The following HS3ST5 variants were observed in gnomAD, a reference collection of about 807,000 sequenced individuals.
HS3ST5 encodes heparan sulfate glucosamine 3-O-sulfotransferase 5.
A neutral mutation model predicts 25.4 loss-of-function variants in HS3ST5; 10 were observed. The ratio of observed to expected loss-of-function variants is 0.39; its 90% CI spans 0.24 to 0.67. HS3ST5 has a LOEUF of 0.67. Among genes scored for constraint, HS3ST5 ranks in the 30% least tolerant of loss-of-function variants. The pLI, the probability that HS3ST5 is intolerant of heterozygous loss-of-function variation, is 0.44. For missense variants in HS3ST5, 324 were observed against 420.7 expected (o/e 0.77, Z 2.01); for synonymous variants, 170 against 162.4 (o/e 1.05, Z -0.36).
intron 1 of HS3ST5, among the ~76,000 whole-genome samples, chr6:114,301,398 T>C (rs554305799): frequency 3.7e-4 from 56 of 152,310 alleles, no homozygotes; most frequent in African/African-American, 8.9e-4. Flanking sequence ...TTCTCAGTTG[T>C]GGATCCACTG....
chr6:114,176,816 T>C (rs958660300), intron 2 of HS3ST5, among the ~76,000 whole-genome samples: 5 of 152,228 alleles, frequency 3.3e-5, no homozygotes, highest in African/African-American at 7.2e-5. Context: ...TTATGTCCTA[T>C]ATACCCGTTC....
At chr6:114,079,028 T>C (rs1774305742) in intron 3 of HS3ST5, among the ~76,000 whole-genome samples, 1 of 152,232 alleles carries the variant, frequency 6.6e-6, no homozygotes, top group South Asian at 2.1e-4. Flanking sequence ...TTTAAAATAT[T>C]GTATTGCTAA....
At chr6:114,120,208 A>G (rs1327678961) in intron 3 of HS3ST5, among the ~76,000 whole-genome samples, 1 of 152,094 alleles carries the variant, frequency 6.6e-6, no homozygotes, top group Non-Finnish European at 1.5e-5. Context: ...CAATGAACAG[A>G]CAAGCCCCCA....
At chr6:114,237,513 C>T (rs954438941) in intron 1 of HS3ST5, among the ~76,000 whole-genome samples, 4 of 152,020 alleles carry the variant, frequency 2.6e-5, no homozygotes, top group Admixed American at 6.6e-5. Context: ...TAGACTATAC[C>T]TGGGTGTAAA....
chr6:114,080,601 G>C (rs780808232), intron 3 of HS3ST5, among the ~76,000 whole-genome samples: 2 of 152,214 alleles, frequency 1.3e-5, no homozygotes, highest in Non-Finnish European at 2.9e-5. Flanking sequence ...ATAGTATGCA[G>C]CCATAAAAAA....
At chr6:114,261,024 C>T (rs183467966) in intron 1 of HS3ST5, among the ~76,000 whole-genome samples, 59 of 152,176 alleles carry the variant, frequency 3.9e-4, no homozygotes, top group South Asian at 4.1e-4. Context: ...ATGGCTGTGA[C>T]GATGACAATA....
chr6:114,056,495 C>T lies in HS3ST5; in HGVS notation c.*762G>A, dbSNP rs1364561949. The T allele has an allele frequency of 6.7e-6, 1 of 150,314 alleles. No individual in the cohort carries two copies. Among genetic ancestry groups the T allele is most frequent in the Non-Finnish European group, 1.5e-5 (1 of 67,652 alleles). 9.3% of individuals were successfully genotyped at this position (150,314 alleles called of 1,614,324 possible). A position where few individuals can be genotyped will look rare whatever the true frequency, so the allele number is the denominator to read the frequency against. The stretch of plus-strand genomic sequence containing the variant: ...TTTAATCCATTCCATTTTTAAATAC[C>T]ACAATAAATTTAATTTTCACAATAA... On this transcript the variant is annotated 3_prime_UTR_variant, in exon 5 of 5. Transcript: ENST00000312719.
At chr6:114,108,405 T>G (rs183269990) in intron 3 of HS3ST5, among the ~76,000 whole-genome samples, 2 of 152,240 alleles carry the variant, frequency 1.3e-5, no homozygotes, top group Admixed American at 6.5e-5. Flanking sequence ...CCAGAGGAGC[T>G]GTTCATAGAA....
At chr6:114,229,163 C>G (rs571011121) in intron 1 of HS3ST5, among the ~76,000 whole-genome samples, 1 of 152,154 alleles carries the variant, frequency 6.6e-6, no homozygotes, top group African/African-American at 2.4e-5. Flanking sequence ...AAATGGGATA[C>G]TTTAAATCCC....
intron 2 of HS3ST5, among the ~76,000 whole-genome samples, chr6:114,191,125 A>G (rs1262605680): frequency 1.3e-5 from 2 of 152,174 alleles, no homozygotes; most frequent in African/African-American, 4.8e-5. Context: ...TGGGACAAAG[A>G]AAAACATAGA....
intron 1 of HS3ST5, among the ~76,000 whole-genome samples, chr6:114,238,801 C>T (rs1333284980): frequency 6.6e-6 from 1 of 152,114 alleles, no homozygotes; most frequent in African/African-American, 2.4e-5. Flanking sequence ...TTCCCCACAG[C>T]CCCCGCCACC....
At chr6:114,270,078 C>T (rs1037145165) in intron 1 of HS3ST5, among the ~76,000 whole-genome samples, 3 of 152,134 alleles carry the variant, frequency 2.0e-5, no homozygotes, top group African/African-American at 7.2e-5. Flanking sequence ...TGCGGTGGCA[C>T]CACGTCGTCT....
At chr6:114,311,455 A>C (rs1014361326) in intron 1 of HS3ST5, among the ~76,000 whole-genome samples, 1 of 152,144 alleles carries the variant, frequency 6.6e-6, no homozygotes, top group African/African-American at 2.4e-5. Context: ...TATTTCCATC[A>C]CAATATTAAA....
At chr6:114,255,938 ACTC>A (rs1465719491) in intron 1 of HS3ST5, among the ~76,000 whole-genome samples, 2 of 151,580 alleles carry the variant, frequency 1.3e-5, no homozygotes, top group African/African-American at 4.9e-5. Context: ...TTAACATTTG[ACTC>A]CTCATTACTT....
chr6:114,117,474 T>C (rs1389321127), intron 3 of HS3ST5, among the ~76,000 whole-genome samples: 1 of 152,176 alleles, frequency 6.6e-6, no homozygotes, highest in African/African-American at 2.4e-5. Context: ...ATTAGGGTAA[T>C]ACCCAGCTTA....
At chr6:114,234,605 A>G (rs1771767367) in intron 1 of HS3ST5, among the ~76,000 whole-genome samples, 1 of 152,140 alleles carries the variant, frequency 6.6e-6, no homozygotes, top group Non-Finnish European at 1.5e-5. Flanking sequence ...GCTCTTCTGT[A>G]TATAAATAAA....
rs545205217 is a variant in HS3ST5, at chr6:114,332,232, G to A, written c.-339+9963C>T. Among the ~76,000 whole-genome samples, 26 of 152,182 alleles carry A rather than the reference G, an allele frequency of 1.7e-4. No homozygotes were observed. The South Asian group carries it at 4.8e-3, about 28-fold the overall frequency. On this transcript the variant is annotated intron_variant, in intron 1 of 4. Coordinates refer to ENST00000312719, the MANE Select transcript of HS3ST5 (RefSeq NM_153612.4). ...ATACTAGAGAAAAATAGGTAGTAGG[G>A]GGTTAGGGCAGGACAAAGGGGTGGA...
At chr6:114,283,925 G>T in intron 1 of HS3ST5, among the ~76,000 whole-genome samples, 1 of 151,922 alleles carries the variant, frequency 6.6e-6, no homozygotes, top group East Asian at 1.9e-4. Flanking sequence ...AAATAACATT[G>T]CATATATCTG....
At chr6:114,274,267 G>C (rs1773755500) in intron 1 of HS3ST5, among the ~76,000 whole-genome samples, 1 of 152,040 alleles carries the variant, frequency 6.6e-6, no homozygotes, top group Non-Finnish European at 1.5e-5. Flanking sequence ...AGCGGAGAGA[G>C]ACAATAGAGA....
Sources: allele counts gnomAD v4.1 joint callset (sites outside exome capture counted in the v4.1 genomes callset), GRCh38; gene constraint gnomAD v4.1.1; transcripts MANE v1.5; gene names NCBI Gene and HGNC (gene_info 2026-07-23, HGNC 2026-07-21).